Variants in PTPRD observed in about 807,000 individuals in gnomAD.
The protein encoded by PTPRD is receptor-type tyrosine-protein phosphatase delta.
In PTPRD, 34 loss-of-function variants were observed where a neutral mutation model predicts 214.5. That is an observed-to-expected ratio of 0.16 (90% CI 0.12 to 0.21). The LOEUF (loss-of-function observed/expected upper bound fraction) is 0.21, where lower values mean the gene tolerates loss of function less well. PTPRD is among the 10% of genes least tolerant of loss of function. The pLI, the probability that PTPRD is intolerant of heterozygous loss-of-function variation, is 1.00. For synonymous variants in PTPRD, 1,128 were observed against 845.7 expected (o/e 1.33, Z -5.79); for missense variants, 2,545 against 2,398.7 (o/e 1.06, Z -1.27).
At chr9:8,596,238 A>G (rs548195012) in intron 14 of PTPRD, among the ~76,000 whole-genome samples, 2 of 152,064 alleles carry the variant, frequency 1.3e-5, no homozygotes, top group South Asian at 4.1e-4. Flanking sequence ...ACTCCATCAC[A>G]TAAAATATAT....
intron 10 of PTPRD, among the ~76,000 whole-genome samples, chr9:9,074,895 G>A (rs1410790337): frequency 6.6e-6 from 1 of 150,784 alleles, no homozygotes; most frequent in Non-Finnish European, 1.5e-5. Flanking sequence ...TAGTTTGGGA[G>A]GTATTTTGGG....
chr9:9,194,540 A>G (rs763930153), intron 9 of PTPRD, among the ~76,000 whole-genome samples: 12 of 152,118 alleles, frequency 7.9e-5, no homozygotes, highest in Non-Finnish European at 1.6e-4. Flanking sequence ...CTCCATTATA[A>G]TCTCATGGGA....
chr9:9,613,135 C>CATATAGATATAT (rs2094620122), intron 7 of PTPRD, among the ~76,000 whole-genome samples: 1 of 47,926 alleles, frequency 2.1e-5, no homozygotes, highest in African/African-American at 8.7e-5. Context: ...TACATACATA[C>CATATAGATATAT]ATATATATAT....
chr9:10,435,747 G>A (rs1403788574), intron 2 of PTPRD, among the ~76,000 whole-genome samples: 4 of 151,766 alleles, frequency 2.6e-5, no homozygotes, highest in Admixed American at 6.6e-5. Flanking sequence ...ATTATTTAAT[G>A]AGGGTTACAC....
chr9:8,929,055 C>G (rs2098925758), intron 11 of PTPRD, among the ~76,000 whole-genome samples: 1 of 152,120 alleles, frequency 6.6e-6, no homozygotes, highest in East Asian at 1.9e-4. Context: ...TGAGACTTTG[C>G]TGAAGTTGCT....
intron 2 of PTPRD, among the ~76,000 whole-genome samples, chr9:10,471,531 C>T: frequency 6.6e-6 from 1 of 151,912 alleles, no homozygotes; most frequent in East Asian, 1.9e-4. Context: ...TGATTTTGTA[C>T]CTGTTTCTTA....
intron 2 of PTPRD, among the ~76,000 whole-genome samples, chr9:10,361,570 T>C (rs2097393239): frequency 6.6e-6 from 1 of 152,108 alleles, no homozygotes; most frequent in Non-Finnish European, 1.5e-5. Flanking sequence ...ACACCCGAAA[T>C]AAGCATTCAA....
intron 9 of PTPRD, among the ~76,000 whole-genome samples, chr9:9,287,167 T>C (rs1036676880): frequency 2.0e-5 from 3 of 151,046 alleles, no homozygotes; most frequent in Non-Finnish European, 4.4e-5. Flanking sequence ...GAAGGTTGCA[T>C]TGAGCGGAGA....
chr9:10,551,595 A>G (rs944411606), intron 2 of PTPRD, among the ~76,000 whole-genome samples: 4 of 152,148 alleles, frequency 2.6e-5, no homozygotes, highest in South Asian at 4.1e-4. Context: ...CATTAAGTCT[A>G]TATCTATAAA....
chr9:10,335,335 A>G (rs1007099990), intron 3 of PTPRD, among the ~76,000 whole-genome samples: 8 of 151,836 alleles, frequency 5.3e-5, no homozygotes, highest in African/African-American at 1.7e-4. Context: ...AGCAATGGAT[A>G]AAAGATCACC....
At position 9,275,167 on chromosome 9, in the gene PTPRD, TATATATA is replaced by T. The variant is rs1190079298; in HGVS notation, c.-202-91811_-202-91805del. ...TATATAATATATTATATATATAACA[TATATATA>T]ATATATATGTTATATATATATATAT... On this transcript the variant is annotated intron_variant, in intron 9 of 45. Transcript: ENST00000381196. 5.9e-4 allele frequency among the ~76,000 whole-genome samples: 22 copies of T among 37,236 alleles called. 1 individual carries two copies. The East Asian group carries it at 0.015, about 26-fold the overall frequency. 24.4% of individuals were successfully genotyped at this position (37,236 alleles called of 152,430 possible).
At chr9:9,233,263 G>T (rs1169489796) in intron 9 of PTPRD, among the ~76,000 whole-genome samples, 1 of 152,092 alleles carries the variant, frequency 6.6e-6, no homozygotes, top group African/African-American at 2.4e-5. Context: ...AGCAAACGGG[G>T]AAAATCTTCT....
chr9:10,538,338 GA>G (rs1023973397), intron 2 of PTPRD, among the ~76,000 whole-genome samples: 7 of 151,870 alleles, frequency 4.6e-5, no homozygotes, highest in African/African-American at 1.7e-4. Flanking sequence ...AGATGATGAA[GA>G]AAAACATTTT....
chr9:8,949,010 G>C (rs1395423213), intron 11 of PTPRD, among the ~76,000 whole-genome samples: 1 of 151,996 alleles, frequency 6.6e-6, no homozygotes, highest in African/African-American at 2.4e-5. Context: ...GATCACCTGA[G>C]TTTAGGAGTT....
chr9:9,372,184 C>T (rs551949005), intron 9 of PTPRD, among the ~76,000 whole-genome samples: 2 of 152,026 alleles, frequency 1.3e-5, no homozygotes, highest in East Asian at 1.9e-4. Context: ...CTTTCTGTCT[C>T]GTTGATCTGT....
At chr9:9,313,681 G>A (rs1267809317) in intron 9 of PTPRD, among the ~76,000 whole-genome samples, 1 of 152,154 alleles carries the variant, frequency 6.6e-6, no homozygotes, top group African/African-American at 2.4e-5. Context: ...GGAAGGTCAG[G>A]CAGAGAAGGT....
chr9:9,982,282 C>G (rs1017456543), intron 4 of PTPRD, among the ~76,000 whole-genome samples: 3 of 152,162 alleles, frequency 2.0e-5, no homozygotes, highest in Non-Finnish European at 4.4e-5. Flanking sequence ...AAGGACCAAA[C>G]AACACCCATA....
intron 5 of PTPRD, among the ~76,000 whole-genome samples, chr9:9,801,157 A>C (rs951625547): frequency 5.3e-5 from 8 of 152,134 alleles, no homozygotes; most frequent in African/African-American, 1.9e-4. Context: ...CTTTGATTTT[A>C]GAGGTCTTTT....
At chr9:9,035,014 T>G (rs546111319) in intron 10 of PTPRD, among the ~76,000 whole-genome samples, 1 of 152,218 alleles carries the variant, frequency 6.6e-6, no homozygotes, top group East Asian at 1.9e-4. Flanking sequence ...GTAAGAGAAC[T>G]AAGGTGATAT....
Sources: gnomAD v4.1 joint callset for allele counts (sites outside exome capture counted in the v4.1 genomes callset) on GRCh38, gnomAD v4.1.1 for gene constraint, MANE v1.5 for transcripts, NCBI Gene and HGNC (gene_info 2026-07-23, HGNC 2026-07-21) for gene names.